The following MRTFA variants were observed in gnomAD, a reference collection of about 807,000 sequenced individuals.
The protein encoded by MRTFA is myocardin-related transcription factor A.
In MRTFA, 20 loss-of-function variants were observed where a neutral mutation model predicts 83.5. That is an observed-to-expected ratio of 0.24 (90% confidence interval 0.17 to 0.35). The LOEUF is 0.35. Among genes scored for constraint, MRTFA ranks in the 10% least tolerant of loss-of-function variants. The pLI is 1.00. For missense variants in MRTFA, 1,200 were observed against 1,224.7 expected, an observed-to-expected ratio of 0.98 and a Z score of 0.30; for synonymous variants, 659 against 541.2, an observed-to-expected ratio of 1.22 and a Z score of -3.02.
intron 3 of MRTFA, among the ~76,000 whole-genome samples, chr22:40,509,694 A>C (rs971367313): frequency 1.3e-5 from 2 of 152,218 alleles, no homozygotes; most frequent in Admixed American, 6.5e-5. Flanking sequence ...AAAACTCTTC[A>C]AATACTTTCA....
At chr22:40,436,668 C>T (rs1440930605) in intron 4 of MRTFA, among the ~76,000 whole-genome samples, 2 of 152,166 alleles carry the variant, frequency 1.3e-5, no homozygotes, top group African/African-American at 2.4e-5. Flanking sequence ...CAAATAGCAA[C>T]TTAAGACACT....
intron 2 of MRTFA, among the ~76,000 whole-genome samples, chr22:40,588,175 C>A (rs375266752): frequency 6.6e-6 from 1 of 151,862 alleles, no homozygotes; most frequent in African/African-American, 2.4e-5. Flanking sequence ...ATTACAGGCA[C>A]GCGCCACCAC....
chr22:40,460,652 G>A (rs957967810), intron 4 of MRTFA, among the ~76,000 whole-genome samples: 3 of 152,108 alleles, frequency 2.0e-5, no homozygotes, highest in African/African-American at 4.8e-5. Flanking sequence ...TGAGAAACTG[G>A]GTAGCTATCT....
intron 1 of MRTFA, among the ~76,000 whole-genome samples, chr22:40,633,574 A>G (rs866831691): frequency 5.9e-5 from 9 of 152,192 alleles, no homozygotes; most frequent in Admixed American, 1.3e-4. Flanking sequence ...AGTGCTTCAT[A>G]TGGAATCTGT....
chr22:40,500,022 A>C (rs559522263), intron 3 of MRTFA, among the ~76,000 whole-genome samples: 2 of 139,824 alleles, frequency 1.4e-5, no homozygotes, highest in South Asian at 4.5e-4. Context: ...GTCCGCCTCC[A>C]GGGTTCAAGC....
chr22:40,447,220 C>T (rs751577016), intron 4 of MRTFA, among the ~76,000 whole-genome samples: 2 of 151,658 alleles, frequency 1.3e-5, no homozygotes, highest in African/African-American at 4.9e-5. Context: ...GGCATGGTGG[C>T]GCGCACCTGT....
chr22:40,491,739 A>G (rs1261888224), intron 3 of MRTFA, among the ~76,000 whole-genome samples: 2 of 152,068 alleles, frequency 1.3e-5, no homozygotes, highest in African/African-American at 4.8e-5. Flanking sequence ...CACGGTGGGG[A>G]AAAAAGGAGT....
At chr22:40,622,635 C>A (rs2056537587) in intron 1 of MRTFA, among the ~76,000 whole-genome samples, 2 of 152,130 alleles carry the variant, frequency 1.3e-5, no homozygotes, top group Admixed American at 1.3e-4. Flanking sequence ...GTGACGCTGC[C>A]ACAAGCCAAG....
chr22:40,411,692 C>G lies in MRTFA; in HGVS notation c.2794G>C (p.Asp932His). 1 of 1,596,756 alleles carries G rather than the reference C, an allele frequency of 6.3e-7. No individual in the cohort carries two copies. The highest frequency in any genetic ancestry group is 8.6e-7 in the Non-Finnish European group (1 of 1,169,302). Reference sequence around the variant, plus strand: ...ATGAGGGAAAGGGGCTCTGGCCCGTCATGCCCACTGGTCAGCAGGGGCAGC... The same window carrying G: ...ATGAGGGAAAGGGGCTCTGGCCCGTGATGCCCACTGGTCAGCAGGGGCAGC... The change falls in exon 15 of 15, where the codon GAC (aspartate) becomes CAC (histidine). Residue 932 changes from aspartate to histidine, a missense_variant. Around this residue, in one of 2 missense-constraint regions of MRTFA, gnomAD observed 1,107 missense variants for 1,041.8 expected, o/e 1.06. Coordinates refer to ENST00000355630, the MANE Select transcript of MRTFA (RefSeq NM_020831.6).
intron 2 of MRTFA, 69 bp from the exon 3 acceptor site, chr22:40,552,436 C>A (rs1212422140): frequency 1.3e-5 from 5 of 395,380 alleles, no homozygotes; most frequent in Non-Finnish European, 2.2e-5. Flanking sequence ...GTGTCCTCAC[C>A]CAAATCTCAT....
chr22:40,593,113 T>A (rs181658411), intron 2 of MRTFA, among the ~76,000 whole-genome samples: 1 of 151,990 alleles, frequency 6.6e-6, no homozygotes, highest in Admixed American at 6.6e-5. Flanking sequence ...AGCACAGGTG[T>A]CTCTAATTTC....
Position 40,552,360 on chromosome 22 carries a change from A to G in MRTFA, c.-14T>C. On this transcript the variant is annotated 5_prime_UTR_variant, in exon 3 of 15. Coordinates refer to ENST00000355630, the MANE Select transcript of MRTFA (RefSeq NM_020831.6). ...GGAGAAATCCACTTTGGCTTTCGTG[A>G]TGGCAATCTGGAAATGGAAGAAAAA... 1 of 398,906 alleles carries G rather than the reference A, an allele frequency of 2.5e-6. No individual in the cohort carries two copies. Among genetic ancestry groups the G allele is most frequent in the Non-Finnish European group, 4.4e-6 (1 of 226,008 alleles). The allele number at this position is 398,906 out of a possible 1,614,324, so 24.7% of individuals were successfully genotyped here. A position where few individuals can be genotyped will look rare whatever the true frequency, so the allele number is the denominator to read the frequency against.
intron 2 of MRTFA, among the ~76,000 whole-genome samples, chr22:40,567,594 T>C (rs2055724846): frequency 6.6e-6 from 1 of 152,186 alleles, no homozygotes; most frequent in Admixed American, 6.5e-5. Context: ...ACCTGAAATG[T>C]TGCCAGGCCA....
In MRTFA at chr22:40,519,814, G is replaced by A. The variant is rs1028018364; in HGVS notation, c.241+32292C>T. Reference sequence around the variant, plus strand: ...TGGAAACTGGATAGAAACTAGCAACGGAAGTCAGACTCTATGAGGTAATTT... The same window carrying A: ...TGGAAACTGGATAGAAACTAGCAACAGAAGTCAGACTCTATGAGGTAATTT... On this transcript the variant is annotated intron_variant, in intron 3 of 14. Coordinates refer to ENST00000355630, the MANE Select transcript of MRTFA (RefSeq NM_020831.6). Among the ~76,000 whole-genome samples the A allele has an allele frequency of 3.3e-5, 5 of 152,140 alleles. No individual in the cohort carries two copies. The South Asian group carries it at 8.3e-4, about 25-fold the overall frequency.
At chr22:40,495,574 C>T (rs150642667) in intron 3 of MRTFA, among the ~76,000 whole-genome samples, 3 of 149,412 alleles carry the variant, frequency 2.0e-5, no homozygotes, top group African/African-American at 7.4e-5. Flanking sequence ...GCCTGGCCAA[C>T]ATGGTGTAAC....
chr22:40,634,651 C>A (rs113458738), intron 1 of MRTFA, among the ~76,000 whole-genome samples: 249 of 152,278 alleles, frequency 1.6e-3, no homozygotes, highest in African/African-American at 5.1e-3. Context: ...ACAGCCCCAG[C>A]CCTTAGAAAA....
intron 2 of MRTFA, among the ~76,000 whole-genome samples, chr22:40,581,826 T>C (rs551059237): frequency 6.6e-6 from 1 of 152,302 alleles, no homozygotes; most frequent in South Asian, 2.1e-4. Flanking sequence ...ATCCCATGTA[T>C]CAGAATTTCA....
intron 2 of MRTFA, among the ~76,000 whole-genome samples, chr22:40,593,510 A>G (rs1337192436): frequency 3.9e-5 from 6 of 152,208 alleles, no homozygotes; most frequent in African/African-American, 1.4e-4. Flanking sequence ...AGAACAATAG[A>G]AAAAAGATAA....
chr22:40,619,655 C>T (rs958671248), intron 1 of MRTFA, among the ~76,000 whole-genome samples: 2 of 151,810 alleles, frequency 1.3e-5, no homozygotes, highest in African/African-American at 2.4e-5. Context: ...TTTGGGAGGC[C>T]GAGACGGGCG....
Sources: allele counts gnomAD v4.1 joint callset (sites outside exome capture counted in the v4.1 genomes callset), GRCh38; gene constraint gnomAD v4.1.1; regional missense constraint gnomAD v4.1.1; transcripts MANE v1.5; gene names NCBI Gene and HGNC (gene_info 2026-07-23, HGNC 2026-07-21).